DTNB: variants seen among roughly 807,000 people sequenced by gnomAD.
The protein encoded by DTNB is DTN-B.
DTNB carries 63 observed loss-of-function variants against 90.7 expected under a neutral mutation model. The observed-to-expected ratio is 0.69, with a 90% CI of 0.57 to 0.86. DTNB has a LOEUF of 0.86. Ranked by LOEUF, DTNB falls within the 40% of genes least tolerant of loss-of-function variation. DTNB has a pLI of 0.00. For synonymous variants in DTNB, 277 were observed against 286.7 expected (o/e 0.97, Z 0.34); for missense variants, 744 against 807.1 (o/e 0.92, Z 0.95).
intron 8 of DTNB, among the ~76,000 whole-genome samples, chr2:25,541,685 T>G (rs2081291549): frequency 2.0e-5 from 3 of 152,050 alleles, no homozygotes; most frequent in Admixed American, 2.0e-4. Context: ...GATGCTTCTG[T>G]CCCTTGGTTA....
intron 8 of DTNB, among the ~76,000 whole-genome samples, chr2:25,533,458 T>C (rs375566505): frequency 1.3e-5 from 2 of 152,324 alleles, no homozygotes; most frequent in East Asian, 3.9e-4. Flanking sequence ...GCCCAACAAG[T>C]CGTGATGTGA....
chr2:25,514,002 A>G (rs200043660), intron 9 of DTNB, among the ~76,000 whole-genome samples: 237 of 85,030 alleles, frequency 2.8e-3, no homozygotes, highest in Non-Finnish European at 4.9e-3. Context: ...TTTGGTGGGG[A>G]AAAAAAAAAA....
At chr2:25,467,366 A>G (rs576802535) in intron 10 of DTNB, among the ~76,000 whole-genome samples, 12 of 148,910 alleles carry the variant, frequency 8.1e-5, no homozygotes, top group African/African-American at 2.7e-4. Context: ...TGGTATGATC[A>G]CAACTCACTG....
At chr2:25,477,895 T>C (rs1300209787) in intron 10 of DTNB, among the ~76,000 whole-genome samples, 1 of 152,192 alleles carries the variant, frequency 6.6e-6, no homozygotes, top group African/African-American at 2.4e-5. Flanking sequence ...TGTCTTACTT[T>C]TAGCCTACGT....
intron 9 of DTNB, among the ~76,000 whole-genome samples, chr2:25,528,466 T>G (rs527936925): frequency 7.2e-5 from 11 of 152,180 alleles, no homozygotes; most frequent in African/African-American, 2.6e-4. Context: ...AAGTATAAGG[T>G]ACAGAAGGGA....
intron 9 of DTNB, among the ~76,000 whole-genome samples, chr2:25,523,283 G>C (rs2076468800): frequency 6.6e-6 from 1 of 152,164 alleles, no homozygotes; most frequent in Non-Finnish European, 1.5e-5. Flanking sequence ...AGAGTAGCTA[G>C]AAGGTCCTCA....
At chr2:25,585,018 T>A (rs2062136724) in intron 6 of DTNB, among the ~76,000 whole-genome samples, 1 of 152,214 alleles carries the variant, frequency 6.6e-6, no homozygotes, top group African/African-American at 2.4e-5. Flanking sequence ...CATGACTCAA[T>A]AAATAATTTT....
chr2:25,495,516 T>C (rs1018711238), intron 9 of DTNB, among the ~76,000 whole-genome samples: 24 of 152,352 alleles, frequency 1.6e-4, no homozygotes, highest in African/African-American at 3.6e-4. Context: ...AGGGATTACA[T>C]TGATCTATAA....
intron 16 of DTNB, among the ~76,000 whole-genome samples, chr2:25,400,512 G>A (rs2043446632): frequency 6.6e-6 from 1 of 152,220 alleles, no homozygotes; most frequent in Admixed American, 6.5e-5. Context: ...CAGGAAACCT[G>A]AGAAACACCT....
intron 9 of DTNB, among the ~76,000 whole-genome samples, chr2:25,530,075 C>T (rs1263845119): frequency 6.6e-6 from 1 of 151,866 alleles, no homozygotes; most frequent in East Asian, 1.9e-4. Context: ...TTATGAAAAA[C>T]AGGGATGGGT....
chr2:25,635,681 G>T (rs1204165830), intron 3 of DTNB, among the ~76,000 whole-genome samples: 1 of 151,954 alleles, frequency 6.6e-6, no homozygotes, highest in Non-Finnish European at 1.5e-5. Context: ...CTTGAAAAAA[G>T]AAATGAATAA....
chr2:25,518,205 T>TA (rs2075468959), intron 9 of DTNB, among the ~76,000 whole-genome samples: 15 of 133,470 alleles, frequency 1.1e-4, no homozygotes, highest in South Asian at 9.0e-4. Context: ...TATATTATTT[T>TA]TTTATCCACA....
chr2:25,498,186 G>C (rs2069459454), intron 9 of DTNB, among the ~76,000 whole-genome samples: 1 of 152,056 alleles, frequency 6.6e-6, no homozygotes, highest in Admixed American at 6.6e-5. Context: ...AACTACACAA[G>C]TATTTACACT....
chr2:25,498,839 C>G (rs1346757590), intron 9 of DTNB, among the ~76,000 whole-genome samples: 1 of 106,358 alleles, frequency 9.4e-6, no homozygotes, highest in Non-Finnish European at 1.7e-5. Flanking sequence ...CAGAATGAAA[C>G]CCTGTCTCAA....
rs190684942 is a variant in DTNB, at chr2:25,569,114, G to C, written c.876+7724C>G. Among the ~76,000 whole-genome samples the C allele has an allele frequency of 3.7e-3, 568 of 152,278 alleles. 4 individuals carry two copies. Among genetic ancestry groups the C allele is most frequent in the Non-Finnish European group, 6.4e-3 (435 of 68,022 alleles). ...ATCCCAGGGCATTCAGACACAGGAG[G>C]GAAGAACCCTCCAGTCACTCAAGCC... On this transcript the variant is annotated intron_variant, in intron 8 of 20. Coordinates refer to ENST00000406818, the MANE Select transcript of DTNB (RefSeq NM_021907.5).
intron 14 of DTNB, 125 bp from the exon 15 acceptor site, chr2:25,427,756 C>T: frequency 1.3e-6 from 1 of 783,592 alleles, no homozygotes; most frequent in Non-Finnish European, 2.0e-6. Context: ...AGTCATTTAG[C>T]ATCCAATACC....
intron 8 of DTNB, among the ~76,000 whole-genome samples, chr2:25,565,931 T>C (rs1417502540): frequency 1.3e-5 from 2 of 152,156 alleles, no homozygotes; most frequent in Non-Finnish European, 2.9e-5. Context: ...AGAATTCTGT[T>C]TACCTTCAGC....
intron 4 of DTNB, among the ~76,000 whole-genome samples, chr2:25,617,948 A>G (rs2071267937): frequency 6.6e-6 from 1 of 152,192 alleles, no homozygotes; most frequent in African/African-American, 2.4e-5. Flanking sequence ...GGCATAAAGA[A>G]ATAGTTATCC....
At chr2:25,493,649 T>C (rs546916645) in intron 9 of DTNB, among the ~76,000 whole-genome samples, 1 of 152,220 alleles carries the variant, frequency 6.6e-6, no homozygotes, top group African/African-American at 2.4e-5. Flanking sequence ...GAAATTTCAA[T>C]AGCTCTAGAA....
Sources: allele counts gnomAD v4.1 joint callset (sites outside exome capture counted in the v4.1 genomes callset), GRCh38; gene constraint gnomAD v4.1.1; transcripts MANE v1.5; gene names NCBI Gene and HGNC (gene_info 2026-07-23, HGNC 2026-07-21).